Variants in UBXN7 observed in about 807,000 individuals in gnomAD.
UBXN7 encodes the protein UBX domain protein 7.
In UBXN7, 9 loss-of-function variants were observed where a neutral mutation model predicts 58.0. The observed-to-expected ratio is 0.16, with a 90% CI of 0.09 to 0.27. The LOEUF is 0.27. Among genes scored for constraint, UBXN7 ranks in the 10% least tolerant of loss-of-function variants. UBXN7 has a pLI of 1.00. For missense variants in UBXN7, 328 were observed against 599.6 expected (o/e 0.55, Z 4.73); for synonymous variants, 208 against 205.0 (o/e 1.01, Z -0.12).
chr3:196,366,037 A>T (rs1412987093), intron 8 of UBXN7, among the ~76,000 whole-genome samples: 2 of 152,206 alleles, frequency 1.3e-5, no homozygotes, highest in African/African-American at 2.4e-5. Context: ...CATGGAAGAA[A>T]GGAAACAACA....
At chr3:196,427,106 T>C (rs1315591057) in intron 1 of UBXN7, among the ~76,000 whole-genome samples, 1 of 152,198 alleles carries the variant, frequency 6.6e-6, no homozygotes, top group Non-Finnish European at 1.5e-5. Flanking sequence ...CTTAGACTGC[T>C]AGCTTATTTT....
intron 6 of UBXN7, among the ~76,000 whole-genome samples, chr3:196,371,519 T>C (rs1465512632): frequency 2.6e-5 from 4 of 152,208 alleles, no homozygotes; most frequent in Non-Finnish European, 5.9e-5. Context: ...TCTAGCTCTA[T>C]TGTTCAGGCT....
At chr3:196,365,221 C>T (rs371326982) in intron 8 of UBXN7, among the ~76,000 whole-genome samples, 1 of 134,892 alleles carries the variant, frequency 7.4e-6, no homozygotes, top group African/African-American at 2.8e-5. Flanking sequence ...AGAAAGGTAT[C>T]AAATTAATGA....
rs114698164 is a variant in UBXN7, at chr3:196,430,907, A to C, written c.73+1420T>G. Among the ~76,000 whole-genome samples, 964 of 152,226 alleles carry C rather than the reference A, an allele frequency of 6.3e-3. 12 individuals are homozygous for C. Among genetic ancestry groups the C allele is most frequent in the African/African-American group, 0.023 (936 of 41,528 alleles). Reference sequence around the variant, plus strand: ...CAATCCTTTATATCTTCAATAATCCAATCACAAAGTTCAAAAATATTAAGA... The same window carrying C: ...CAATCCTTTATATCTTCAATAATCCCATCACAAAGTTCAAAAATATTAAGA... On this transcript the variant is annotated intron_variant, in intron 1 of 10. Coordinates refer to ENST00000296328, the MANE Select transcript of UBXN7 (RefSeq NM_015562.2).
chr3:196,404,227 G>A (rs1730084875), intron 2 of UBXN7, among the ~76,000 whole-genome samples: 2 of 150,652 alleles, frequency 1.3e-5, no homozygotes, highest in South Asian at 4.2e-4. Context: ...ATATAAGCAT[G>A]CAAATTCCAT....
At chr3:196,390,467 C>T (rs1453035558) in intron 5 of UBXN7, among the ~76,000 whole-genome samples, 3 of 151,952 alleles carry the variant, frequency 2.0e-5, no homozygotes, top group African/African-American at 4.8e-5. Flanking sequence ...GAAGGCTGGG[C>T]GCGGTGGCTC....
chr3:196,409,507 T>G (rs1178988149), intron 1 of UBXN7, among the ~76,000 whole-genome samples: 1 of 152,140 alleles, frequency 6.6e-6, no homozygotes, highest in Non-Finnish European at 1.5e-5. Flanking sequence ...TTCTGAAGCC[T>G]GGGTTGAAGG....
At chr3:196,396,220 A>C (rs1729765816) in intron 3 of UBXN7, among the ~76,000 whole-genome samples, 1 of 150,554 alleles carries the variant, frequency 6.6e-6, no homozygotes, top group South Asian at 2.1e-4. Context: ...TCAAATGTAC[A>C]TGGCCTCTAG....
chr3:196,382,877 A>T (rs1267933823), intron 5 of UBXN7, among the ~76,000 whole-genome samples: 1 of 152,214 alleles, frequency 6.6e-6, no homozygotes, highest in East Asian at 1.9e-4. Flanking sequence ...GCACTTTGGG[A>T]GGCCAAGGCA....
Position 196,351,790 on chromosome 3 carries a change from A to G in UBXN7, c.*4895T>C, listed in dbSNP as rs907577657. ...CCTTTCTGCATATAACATATACTAT[A>G]CTATGCATTGGATTTGTACCTGGGT... On this transcript the variant is annotated 3_prime_UTR_variant, in exon 11 of 11. Coordinates refer to ENST00000296328, the MANE Select transcript of UBXN7 (RefSeq NM_015562.2). 3 of 152,170 alleles carry G rather than the reference A, an allele frequency of 2.0e-5. No individual in the cohort carries two copies. The highest frequency in any genetic ancestry group is 2.0e-4 in the Admixed American group (3 of 15,268). 9.4% of individuals were successfully genotyped at this position (152,170 alleles called of 1,614,324 possible).
intron 5 of UBXN7, among the ~76,000 whole-genome samples, chr3:196,373,592 C>G (rs1560222639): frequency 6.6e-6 from 1 of 152,118 alleles, no homozygotes; most frequent in Non-Finnish European, 1.5e-5. Context: ...CAAGAACATA[C>G]TGGACATCAT....
chr3:196,372,940 G>T (rs1284885152), intron 5 of UBXN7, among the ~76,000 whole-genome samples: 2 of 151,686 alleles, frequency 1.3e-5, no homozygotes, highest in East Asian at 1.9e-4. Context: ...GTAAAGAGAC[G>T]GGGTTTCACC....
In UBXN7 at chr3:196,350,758, C is replaced by T. The variant is rs578042657; in HGVS notation, c.*5927G>A. 1.1e-3 allele frequency: 172 copies of T among 152,186 alleles called. No individual in the cohort carries two copies. Among genetic ancestry groups the T allele is most frequent in the African/African-American group, 3.8e-3 (156 of 41,510 alleles). The allele number at this position is 152,186 out of a possible 1,614,324, so 9.4% of individuals were successfully genotyped here. On this transcript the variant is annotated 3_prime_UTR_variant, in exon 11 of 11. Transcript: ENST00000296328. Reference sequence around the variant, plus strand: ...CAAATCTCTATGTAACAGGAGAAACCGATATATTGGTATGGTATTCTCTGT... The same window carrying T: ...CAAATCTCTATGTAACAGGAGAAACTGATATATTGGTATGGTATTCTCTGT...
Position 196,347,814 on chromosome 3 carries a change from G to C in UBXN7, c.*8871C>G, listed in dbSNP as rs552044369. ...GCACAGTGAGCTGATGTCTTCAAAAGACTTATCGTCCCACTCCCTTCCCTC... is the reference window on the plus strand; with the variant it reads ...GCACAGTGAGCTGATGTCTTCAAAACACTTATCGTCCCACTCCCTTCCCTC... On this transcript the variant is annotated 3_prime_UTR_variant, in exon 11 of 11. Transcript: ENST00000296328. 16 of 152,136 alleles carry C rather than the reference G, an allele frequency of 1.1e-4. No individual in the cohort carries two copies. The highest frequency in any genetic ancestry group is 3.9e-4 in the African/African-American group (16 of 41,476). The allele number at this position is 152,136 out of a possible 1,614,324, so 9.4% of individuals were successfully genotyped here. A position where few individuals can be genotyped will look rare whatever the true frequency, so the allele number is the denominator to read the frequency against.
intron 1 of UBXN7, among the ~76,000 whole-genome samples, chr3:196,417,216 G>C (rs1368290868): frequency 3.3e-5 from 5 of 152,164 alleles, no homozygotes; most frequent in Non-Finnish European, 4.4e-5. Flanking sequence ...GGGAGGCTGA[G>C]GCAGGAGAAT....
intron 10 of UBXN7, among the ~76,000 whole-genome samples, chr3:196,360,851 C>A (rs1000695412): frequency 6.6e-6 from 1 of 152,050 alleles, no homozygotes; most frequent in South Asian, 2.1e-4. Context: ...CAGCAAGAAA[C>A]CATCTCTAAA....
rs139594378 is a variant in UBXN7, at chr3:196,422,439, G to A, written c.73+9888C>T. Among the ~76,000 whole-genome samples the A allele has an allele frequency of 3.8e-4, 58 of 151,464 alleles. No homozygotes were observed. The South Asian group carries it at 8.3e-3, about 22-fold the overall frequency. ...AGGCTGCAGTGAGCTATGATAACAC[G>A]GCTGCACTCCACCAGGGGCAAGAGA... On this transcript the variant is annotated intron_variant, in intron 1 of 10. Coordinates refer to ENST00000296328, the MANE Select transcript of UBXN7 (RefSeq NM_015562.2).
chr3:196,431,759 A>C, intron 1 of UBXN7: 1 of 447,192 alleles, frequency 2.2e-6, no homozygotes, highest in South Asian at 1.6e-5. Context: ...TCCCCCGTGA[A>C]GTGTAAAGGC....
chr3:196,361,696 G>T, intron 10 of UBXN7, 148 bp downstream of exon 10: 1 of 633,826 alleles, frequency 1.6e-6, no homozygotes, highest in Non-Finnish European at 2.6e-6. Context: ...ATTAAGTTAT[G>T]TGCTTTTTTT....
Sources: gnomAD v4.1 joint callset for allele counts (sites outside exome capture counted in the v4.1 genomes callset) on GRCh38, gnomAD v4.1.1 for gene constraint, MANE v1.5 for transcripts, NCBI Gene and HGNC (gene_info 2026-07-23, HGNC 2026-07-21) for gene names.